Variants in KMT2C observed in about 807,000 individuals in gnomAD.
KMT2C encodes histone-lysine N-methyltransferase 2C.
A neutral mutation model predicts 507.9 loss-of-function variants in KMT2C; 88 were observed. The observed-to-expected ratio is 0.17, with a 90% CI of 0.15 to 0.21. The LOEUF (loss-of-function observed/expected upper bound fraction) is 0.21, where lower values mean the gene tolerates loss of function less well. Among genes scored for constraint, KMT2C ranks in the 10% least tolerant of loss-of-function variants. KMT2C has a pLI of 1.00. For synonymous variants in KMT2C, 2,049 were observed against 2,080.8 expected (o/e 0.98, Z 0.42); for missense variants, 4,954 against 5,957.8 (o/e 0.83, Z 5.55).
rs200669651 is a variant in KMT2C at position 152,187,747 on chromosome 7, A to C, written c.4761T>G (p.Ser1587=). ...CAGGATAAGAGGATTGTGCAATTGC[A>C]GAGAAAGTTCCCAGTCCGCTTCCAG... ...LPPGSGLGTF[S]AIAQSSYPDA... The change falls in exon 32 of 59, where the codon TCT becomes TCG. Residue 1587 remains serine, a synonymous_variant. Coordinates refer to ENST00000262189, the MANE Select transcript of KMT2C (RefSeq NM_170606.3). 97 of 1,614,140 alleles carry C rather than the reference A, an allele frequency of 6.0e-5. No homozygotes were observed. The Middle Eastern group carries it at 6.6e-4, about 11-fold the overall frequency.
intron 3 of KMT2C, among the ~76,000 whole-genome samples, chr7:152,321,652 T>C (rs1270032400): frequency 6.6e-6 from 1 of 152,000 alleles, no homozygotes; most frequent in Non-Finnish European, 1.5e-5. Context: ...AGAAAATTAA[T>C]GTAATAATCC....
At chr7:152,195,506 T>C in intron 28 of KMT2C, 1 of 982,702 alleles carries the variant, frequency 1.0e-6, no homozygotes. Flanking sequence ...CCGTCATCCA[T>C]TGCTCAGTTT....
At chr7:152,161,819 T>C (rs1013370420) in intron 43 of KMT2C, among the ~76,000 whole-genome samples, 3 of 152,246 alleles carry the variant, frequency 2.0e-5, no homozygotes, top group Admixed American at 1.3e-4. Context: ...ATTTACTTAC[T>C]TTGCTTTAGT....
chr7:152,183,485 G>C (rs2093500041), intron 34 of KMT2C, among the ~76,000 whole-genome samples: 1 of 152,208 alleles, frequency 6.6e-6, no homozygotes, highest in Non-Finnish European at 1.5e-5. Context: ...GCTGGGGCCA[G>C]GCATGGTGGC....
intron 6 of KMT2C, among the ~76,000 whole-genome samples, chr7:152,280,556 A>G (rs2096189703): frequency 6.6e-6 from 1 of 151,868 alleles, no homozygotes; most frequent in South Asian, 2.1e-4. Flanking sequence ...AAGAAAGAAA[A>G]TGGCGAGCTC....
intron 6 of KMT2C, among the ~76,000 whole-genome samples, chr7:152,297,127 T>C (rs912578061): frequency 1.8e-4 from 27 of 151,810 alleles, no homozygotes; most frequent in Non-Finnish European, 8.8e-5. Context: ...TGTGAACATA[T>C]ATATGCTATG....
chr7:152,306,156 CTACAGT>C lies in KMT2C; in HGVS notation c.849+3804_849+3809del, dbSNP rs377221700. Reference sequence around the variant, plus strand: ...TGTTATTTAATCAAGACACTATTTTCTACAGTTACTTAGGTGAGTTCTTTCCCTCCC... The same window carrying C: ...TGTTATTTAATCAAGACACTATTTTCTACTTAGGTGAGTTCTTTCCCTCCC... On this transcript the variant is annotated intron_variant, in intron 6 of 58. Coordinates refer to ENST00000262189, the MANE Select transcript of KMT2C (RefSeq NM_170606.3). 4.8e-4 allele frequency among the ~76,000 whole-genome samples: 73 copies of C among 152,252 alleles called. 1 individual carries two copies. Among genetic ancestry groups the C allele is most frequent in the Admixed American group, 1.9e-3 (29 of 15,288 alleles).
chr7:152,221,047 T>C lies in KMT2C; in HGVS notation c.3500-312A>G, dbSNP rs533293545. On this transcript the variant is annotated intron_variant, in intron 22 of 58. Coordinates refer to ENST00000262189, the MANE Select transcript of KMT2C (RefSeq NM_170606.3). ...AGGCGGCAGGCAGATCACGAGGTCATGAGATCGAGACCATGCTGGCTAACA... is the reference window on the plus strand; with the variant it reads ...AGGCGGCAGGCAGATCACGAGGTCACGAGATCGAGACCATGCTGGCTAACA... Among the ~76,000 whole-genome samples the C allele has an allele frequency of 4.7e-4, 72 of 152,138 alleles. 1 individual carries two copies. Among genetic ancestry groups the C allele is most frequent in the African/African-American group, 1.7e-3 (71 of 41,502 alleles).
intron 7 of KMT2C, among the ~76,000 whole-genome samples, chr7:152,271,673 CAAA>C (rs35698920): frequency 9.1e-5 from 5 of 54,986 alleles, no homozygotes; most frequent in Non-Finnish European, 1.6e-4. Context: ...GACTCCATCT[CAAA>C]AAAAAAAAAA....
At chr7:152,420,272 C>T (rs1220227167) in intron 1 of KMT2C, among the ~76,000 whole-genome samples, 6 of 152,190 alleles carry the variant, frequency 3.9e-5, no homozygotes, top group Non-Finnish European at 7.3e-5. Context: ...TAATCTAACA[C>T]CCACACCGAT....
chr7:152,152,628 A>T (rs2129097267), intron 49 of KMT2C, 77 bp downstream of exon 49: 1 of 1,530,846 alleles, frequency 6.5e-7, no homozygotes, highest in Admixed American at 1.7e-5. Flanking sequence ...GTTAAAAGAT[A>T]ATCAGTATCT....
At chr7:152,398,567 A>G (rs1448654481) in intron 1 of KMT2C, among the ~76,000 whole-genome samples, 1 of 151,804 alleles carries the variant, frequency 6.6e-6, no homozygotes, top group Non-Finnish European at 1.5e-5. Flanking sequence ...TTTATTTTAG[A>G]TAAGAGGCTC....
chr7:152,278,459 C>A (rs1309010181), intron 6 of KMT2C, among the ~76,000 whole-genome samples: 5 of 152,286 alleles, frequency 3.3e-5, no homozygotes, highest in African/African-American at 1.2e-4. Flanking sequence ...TGATTTCAAA[C>A]TTCTTGAAGC....
intron 3 of KMT2C, among the ~76,000 whole-genome samples, chr7:152,320,146 G>C (rs2096759647): frequency 6.6e-6 from 1 of 152,038 alleles, no homozygotes; most frequent in African/African-American, 2.4e-5. Flanking sequence ...CAAATTTCAT[G>C]TTTATACATG....
rs2129132944 is a variant in KMT2C at position 152,199,288 on chromosome 7, C to T, written c.4264G>A (p.Gly1422Arg). The T allele has an allele frequency of 6.3e-7, 1 of 1,593,450 alleles. No homozygotes were observed. Among genetic ancestry groups the T allele is most frequent in the Non-Finnish European group, 8.5e-7 (1 of 1,172,986 alleles). ...LSSSSAPTKS[G>R]THGPADDPLA... The stretch of plus-strand genomic sequence containing the variant: ...GAATAATTCTACATACCGTGAGTTC[C>T]AGATTTTGTTGGAGCCGAGGATGAA... The change falls in exon 27 of 59, where the codon GGA (glycine) becomes AGA (arginine). Residue 1422 changes from glycine (G) to arginine (R), a missense_variant. By Grantham distance (125) the Gly-to-Arg change is moderately radical. Transcript: ENST00000262189.
chr7:152,235,601 T>C (rs1328673472), intron 16 of KMT2C, among the ~76,000 whole-genome samples: 17 of 106,246 alleles, frequency 1.6e-4, no homozygotes, highest in Middle Eastern at 4.7e-3. Flanking sequence ...CATAGAAAGA[T>C]AAGGAGTCAA....
chr7:152,190,404 TTTG>T (rs750722506), intron 31 of KMT2C, among the ~76,000 whole-genome samples: 8 of 152,228 alleles, frequency 5.3e-5, no homozygotes, highest in Non-Finnish European at 1.2e-4. Flanking sequence ...TTAGCTATTA[TTTG>T]TTAAGTACTT....
intron 1 of KMT2C, among the ~76,000 whole-genome samples, chr7:152,396,186 C>G (rs2116580304): frequency 6.6e-6 from 1 of 152,286 alleles, no homozygotes; most frequent in South Asian, 2.1e-4. Flanking sequence ...CTGAATGTGC[C>G]TTTTCCTGCC....
At chr7:152,362,674 T>C (rs951348361) in intron 1 of KMT2C, among the ~76,000 whole-genome samples, 1 of 152,134 alleles carries the variant, frequency 6.6e-6, no homozygotes, top group Non-Finnish European at 1.5e-5. Context: ...CTACTTTGAG[T>C]TTTTTCTCCA....
Sources: gnomAD v4.1 joint callset for allele counts (sites outside exome capture counted in the v4.1 genomes callset) on GRCh38, gnomAD v4.1.1 for gene constraint, MANE v1.5 for transcripts, NCBI Gene and HGNC (gene_info 2026-07-23, HGNC 2026-07-21) for gene names.